Variants in PTPRN2 observed in about 807,000 individuals in gnomAD.
PTPRN2 encodes the protein protein tyrosine phosphatase receptor type N2, also known as receptor-type tyrosine-protein phosphatase N2.
In PTPRN2, 74 loss-of-function variants were observed where a neutral mutation model predicts 118.8. The ratio of observed to expected loss-of-function variants is 0.62; its 90% CI spans 0.52 to 0.76. The LOEUF (loss-of-function observed/expected upper bound fraction) is 0.76, where lower values mean the gene tolerates loss of function less well. Ranked by LOEUF, PTPRN2 falls within the 30% of genes least tolerant of loss-of-function variation. PTPRN2 has a pLI of 0.00. For missense variants in PTPRN2, 1,481 were observed against 1,394.4 expected (o/e 1.06, Z -0.99); for synonymous variants, 641 against 608.0 (o/e 1.05, Z -0.80).
chr7:158,503,346 C>T (rs1482176467), intron 1 of PTPRN2, among the ~76,000 whole-genome samples: 1 of 152,254 alleles, frequency 6.6e-6, no homozygotes, highest in East Asian at 1.9e-4. Flanking sequence ...CTTCTCTCTA[C>T]CCTCACAGCT....
chr7:158,081,259 C>T (rs931167494), intron 11 of PTPRN2, 39 bp downstream of exon 11: 19 of 1,542,148 alleles, frequency 1.2e-5, no homozygotes, highest in South Asian at 6.9e-5. Flanking sequence ...TGTGCACACA[C>T]GTGTGTGTGC....
At chr7:158,111,823 CAT>C (rs1162094374) in intron 9 of PTPRN2, among the ~76,000 whole-genome samples, 3 of 152,082 alleles carry the variant, frequency 2.0e-5, no homozygotes, top group Admixed American at 6.5e-5. Flanking sequence ...CCTAAAAATT[CAT>C]ATGTTGAAAT....
intron 11 of PTPRN2, among the ~76,000 whole-genome samples, chr7:157,937,677 G>T (rs757914057): frequency 6.6e-6 from 1 of 152,224 alleles, no homozygotes; most frequent in Non-Finnish European, 1.5e-5. Context: ...GAGCGGGTGC[G>T]GCCTCTCTGA....
At chr7:158,333,541 G>A (rs533430008) in intron 2 of PTPRN2, among the ~76,000 whole-genome samples, 3 of 149,160 alleles carry the variant, frequency 2.0e-5, no homozygotes, top group Admixed American at 6.6e-5. Context: ...ACTCGCAGAC[G>A]TCACTCACAC....
chr7:157,644,668 G>A (rs915404749), intron 14 of PTPRN2, among the ~76,000 whole-genome samples: 2 of 152,020 alleles, frequency 1.3e-5, no homozygotes, highest in African/African-American at 4.8e-5. Context: ...GGTGGCTAAC[G>A]CCTATAATTC....
At chr7:158,171,475 A>C (rs1385170985) in intron 5 of PTPRN2, among the ~76,000 whole-genome samples, 1 of 151,382 alleles carries the variant, frequency 6.6e-6, no homozygotes. Flanking sequence ...CAGCCTCCTG[A>C]GCAGCTGGGA....
rs188941481 is a variant in PTPRN2, at chr7:158,392,592, T to C, written c.164-75660A>G. ...GGGTGCAGCCCTGTCCTTGTGTCCGTGGGGGAGGAGTCAACTCACCGGGGT... is the reference window on the plus strand; with the variant it reads ...GGGTGCAGCCCTGTCCTTGTGTCCGCGGGGGAGGAGTCAACTCACCGGGGT... On this transcript the variant is annotated intron_variant, in intron 2 of 22. Transcript: ENST00000389418. Among the ~76,000 whole-genome samples, 384 of 152,178 alleles carry C rather than the reference T, an allele frequency of 2.5e-3. 1 individual carries two copies. Among genetic ancestry groups the C allele is most frequent in the African/African-American group, 8.5e-3 (354 of 41,522 alleles).
Position 158,473,588 on chromosome 7 carries a change from G to A in PTPRN2, c.163+16147C>T, listed in dbSNP as rs114349115. Among the ~76,000 whole-genome samples the A allele has an allele frequency of 5.8e-3, 890 of 152,232 alleles. 7 individuals are homozygous for A. Among genetic ancestry groups the A allele is most frequent in the African/African-American group, 0.02 (849 of 41,524 alleles). ...AAGAAAAGAGAAGGAAAGGTTTCCC[G>A]GCTCTCTGAGCAGCGGGTGCTTCGT... On this transcript the variant is annotated intron_variant, in intron 2 of 22. Transcript: ENST00000389418.
At position 158,118,454 on chromosome 7, in the gene PTPRN2, C is replaced by T. The variant is rs183090473; in HGVS notation, c.1557-7539G>A. Among the ~76,000 whole-genome samples, 339 of 152,166 alleles carry T rather than the reference C, an allele frequency of 2.2e-3. 1 individual carries two copies. The highest frequency in any genetic ancestry group is 4.3e-3 in the Non-Finnish European group (292 of 68,006). On this transcript the variant is annotated intron_variant, in intron 9 of 22. Transcript: ENST00000389418. ...ATTTAATTTTTAAAAATCTACTAAA[C>T]ACAAAAGAAGATAGTAATGCAGAAA...
chr7:158,310,758 A>C, intron 3 of PTPRN2, among the ~76,000 whole-genome samples: 1 of 145,928 alleles, frequency 6.9e-6, no homozygotes, highest in Non-Finnish European at 1.5e-5. Context: ...TGAGCCGGAC[A>C]GAGCGCAAGT....
intron 3 of PTPRN2, among the ~76,000 whole-genome samples, chr7:158,244,908 T>C (rs1796119812): frequency 6.6e-6 from 1 of 152,180 alleles, no homozygotes; most frequent in East Asian, 1.9e-4. Context: ...TCTCCCAGTG[T>C]GACAGAGCCC....
At chr7:158,188,390 G>C (rs552402276) in intron 5 of PTPRN2, among the ~76,000 whole-genome samples, 5 of 28,608 alleles carry the variant, frequency 1.7e-4, no homozygotes, top group African/African-American at 6.6e-4. Flanking sequence ...CGCTCGCCCC[G>C]CGATGGGGAA....
intron 11 of PTPRN2, among the ~76,000 whole-genome samples, chr7:158,025,985 T>C (rs990862488): frequency 2.0e-5 from 3 of 152,226 alleles, no homozygotes; most frequent in Admixed American, 6.5e-5. Context: ...TCAAAGGCAG[T>C]CATGTTTGGA....
At chr7:158,414,707 C>G (rs1468625706) in intron 2 of PTPRN2, among the ~76,000 whole-genome samples, 1 of 152,232 alleles carries the variant, frequency 6.6e-6, no homozygotes. Flanking sequence ...CCCGCCCTGG[C>G]CACATCAATG....
chr7:158,113,779 C>T (rs1437006425), intron 9 of PTPRN2, among the ~76,000 whole-genome samples: 1 of 76,998 alleles, frequency 1.3e-5, no homozygotes, highest in Non-Finnish European at 4.0e-5. Context: ...GTCGACGCTA[C>T]AAGCTGTTGT....
intron 12 of PTPRN2, among the ~76,000 whole-genome samples, chr7:157,878,359 C>T (rs1303767659): frequency 6.7e-6 from 1 of 148,396 alleles, no homozygotes; most frequent in Admixed American, 6.7e-5. Flanking sequence ...TGATACCATG[C>T]ACCCACACTT....
chr7:158,113,933 G>A (rs576831235), intron 9 of PTPRN2, among the ~76,000 whole-genome samples: 27 of 152,154 alleles, frequency 1.8e-4, no homozygotes, highest in African/African-American at 3.4e-4. Flanking sequence ...CCAAAAGCCC[G>A]GTACCTCCAG....
intron 12 of PTPRN2, among the ~76,000 whole-genome samples, chr7:157,728,362 A>C (rs1377023272): frequency 1.3e-5 from 2 of 152,226 alleles, no homozygotes; most frequent in Non-Finnish European, 2.9e-5. Flanking sequence ...TTTCTCAGAA[A>C]GGACAAGCCC....
chr7:158,222,245 A>G (rs1163228512), intron 3 of PTPRN2, among the ~76,000 whole-genome samples: 2 of 152,170 alleles, frequency 1.3e-5, no homozygotes, highest in Non-Finnish European at 2.9e-5. Flanking sequence ...AAGGAAAATA[A>G]ATCATCCTAC....
Sources: gnomAD v4.1 joint callset for allele counts (sites outside exome capture counted in the v4.1 genomes callset) on GRCh38, gnomAD v4.1.1 for gene constraint, MANE v1.5 for transcripts, NCBI Gene and HGNC (gene_info 2026-07-23, HGNC 2026-07-21) for gene names.